TPTE2: variants seen among roughly 807,000 people sequenced by gnomAD.
The protein encoded by TPTE2 is transmembrane phosphoinositide 3-phosphatase and tensin homolog 2, also known as phosphatidylinositol 3,4,5-trisphosphate 3-phosphatase TPTE2.
A neutral mutation model predicts 78.6 loss-of-function variants in TPTE2; 53 were observed. The observed-to-expected ratio is 0.67, with a 90% confidence interval of 0.54 to 0.85. The LOEUF is 0.85. TPTE2 is among the 40% of genes least tolerant of loss of function. The pLI is 0.00. For synonymous variants in TPTE2, 175 were observed against 206.2 expected, an observed-to-expected ratio of 0.85 and a Z score of 1.30; for missense variants, 461 against 623.0, an observed-to-expected ratio of 0.74 and a Z score of 2.77.
chr13:19,503,178 C>T, intron 1 of TPTE2, 46 bp downstream of exon 4: 1 of 1,612,502 alleles, frequency 6.2e-7, no homozygotes, highest in Non-Finnish European at 8.5e-7. Flanking sequence ...TACTTCTATG[C>T]TCAGTTATAA....
Position 19,535,817 on chromosome 13 carries a change from G to A in TPTE2, c.-44+779C>T, listed in dbSNP as rs960076570. On this transcript the variant is annotated intron_variant, in intron 1 of 17. Coordinates refer to the TPTE2 transcript ENST00000390680. The surrounding 1 kb of genome is among the most constrained non-coding windows in gnomAD (Gnocchi z 5.1). ...TGCCCAGCTATTTTTTGTATTTTTA[G>A]TAGAGATGAGGTTTCACTATGTTGG... Among the ~76,000 whole-genome samples, 9 of 151,950 alleles carry A rather than the reference G, an allele frequency of 5.9e-5. No individual in the cohort carries two copies. The highest frequency in any genetic ancestry group is 2.2e-4 in the African/African-American group (9 of 41,350).
intron 3 of TPTE2, among the ~76,000 whole-genome samples, chr13:19,490,357 C>T (rs543991076): frequency 7.9e-5 from 12 of 152,202 alleles, no homozygotes; most frequent in Admixed American, 2.6e-4. Flanking sequence ...AATTATTCTA[C>T]AATTTATAAT....
At chr13:19,506,147 C>T (rs1482273104), upstream of TPTE2, among the ~76,000 whole-genome samples, 7 of 111,838 alleles carry the variant, frequency 6.3e-5, no homozygotes, top group Admixed American at 2.3e-4. Context: ...TATACACTTA[C>T]GTGTATATAA....
upstream of TPTE2, among the ~76,000 whole-genome samples, chr13:19,537,285 G>A (rs1353305894): frequency 2.0e-5 from 3 of 149,928 alleles, no homozygotes; most frequent in African/African-American, 4.9e-5. Flanking sequence ...CCAGGCTGGA[G>A]TGCAGTGGCG....
chr13:19,470,093 C>G (rs1879510976), intron 6 of TPTE2, among the ~76,000 whole-genome samples: 1 of 152,100 alleles, frequency 6.6e-6, no homozygotes, highest in Non-Finnish European at 1.5e-5. Flanking sequence ...AGTGGGCATC[C>G]TCATTGTGTT....
intron 6 of TPTE2, among the ~76,000 whole-genome samples, chr13:19,473,499 C>T (rs563684407): frequency 9.2e-4 from 140 of 152,198 alleles, no homozygotes; most frequent in South Asian, 4.6e-3. Flanking sequence ...AAACACAGGC[C>T]ATGGGGGGTA....
At chr13:19,454,501 T>A (rs1442253096) in intron 10 of TPTE2, among the ~76,000 whole-genome samples, 1 of 152,184 alleles carries the variant, frequency 6.6e-6, no homozygotes, top group Non-Finnish European at 1.5e-5. Context: ...TAGCTTAGAT[T>A]TGGGGCTGCA....
intron 10 of TPTE2, among the ~76,000 whole-genome samples, chr13:19,455,146 T>C (rs974134854): frequency 1.3e-5 from 2 of 152,196 alleles, no homozygotes; most frequent in Non-Finnish European, 2.9e-5. Flanking sequence ...ATCAATAGCA[T>C]AACCTGGGTG....
chr13:19,464,717 T>G (rs866563086), intron 9 of TPTE2, among the ~76,000 whole-genome samples, 197 bp from the exon 13 acceptor site: 4 of 152,256 alleles, frequency 2.6e-5, no homozygotes, highest in African/African-American at 9.6e-5. Flanking sequence ...TAAACTGGCA[T>G]GGAGTTCTTA....
At chr13:19,497,213 A>G (rs1248444192) in intron 1 of TPTE2, among the ~76,000 whole-genome samples, 2 of 148,858 alleles carry the variant, frequency 1.3e-5, no homozygotes, top group African/African-American at 4.9e-5. Flanking sequence ...GGCGGCAGCG[A>G]GGCTGGGGGA....
intron 3 of TPTE2, among the ~76,000 whole-genome samples, chr13:19,490,720 T>C (rs1344530596): frequency 2.0e-5 from 3 of 152,202 alleles, no homozygotes; most frequent in Non-Finnish European, 2.9e-5. Flanking sequence ...CTGCATACGA[T>C]CTGATGGTGG....
intron 15 of TPTE2, among the ~76,000 whole-genome samples, chr13:19,435,920 G>A (rs1164791648): frequency 6.6e-6 from 1 of 152,132 alleles, no homozygotes; most frequent in Admixed American, 6.5e-5. Flanking sequence ...ATACACTTCA[G>A]GGTCCTGGAG....
chr13:19,443,396 TC>T (rs1486727456), intron 13 of TPTE2, among the ~76,000 whole-genome samples: 1 of 71,936 alleles, frequency 1.4e-5, no homozygotes, highest in Non-Finnish European at 3.9e-5. Context: ...TTTCTTTCTT[TC>T]TTTTTTTTTT....
At chr13:19,438,535 G>A (rs553823348) in intron 13 of TPTE2, 4 of 614,602 alleles carry the variant, frequency 6.5e-6, no homozygotes, top group South Asian at 7.2e-5. Context: ...AAATACAGTA[G>A]AAGAAAAGAC....
At chr13:19,544,928 G>GCACACACA in the TPTE2 span, among the ~76,000 whole-genome samples, 1 of 107,212 alleles carries the variant, frequency 9.3e-6, no homozygotes, top group East Asian at 2.7e-4. Context: ...ACACACACGT[G>GCACACACA]CACACTCACA....
chr13:19,561,381 C>G, the TPTE2 span: 1 of 463,636 alleles, frequency 2.2e-6, no homozygotes. Context: ...CCCGCTGTCG[C>G]AGACGCCGCC....
At chr13:19,507,578 T>C (rs1267502187), upstream of TPTE2, among the ~76,000 whole-genome samples, 3 of 152,224 alleles carry the variant, frequency 2.0e-5, no homozygotes, top group Admixed American at 6.5e-5. Flanking sequence ...CAGGGTGATA[T>C]AGTTGTTTAA....
At chr13:19,495,323 TC>T (rs564007123) in intron 1 of TPTE2, among the ~76,000 whole-genome samples, 50 of 152,306 alleles carry the variant, frequency 3.3e-4, no homozygotes, top group Admixed American at 1.1e-3. Flanking sequence ...TTAGCTCTGT[TC>T]TTTGTTTTGG....
chr13:19,425,221 C>T (rs1401430133), intron 18 of TPTE2, among the ~76,000 whole-genome samples: 1 of 152,158 alleles, frequency 6.6e-6, no homozygotes, highest in African/African-American at 2.4e-5. Context: ...CTTGCTGTTT[C>T]TATCAAAATT....
Sources: gnomAD v4.1 joint callset for allele counts (sites outside exome capture counted in the v4.1 genomes callset) on GRCh38, gnomAD v4.1.1 for gene constraint, Gnocchi (gnomAD v3.1) non-coding constraint, MANE v1.5 for transcripts, NCBI Gene and HGNC (gene_info 2026-07-23, HGNC 2026-07-21) for gene names.